Variants in CDH4 observed in about 807,000 individuals in gnomAD.
The protein encoded by CDH4 is cadherin 4, also known as cadherin-4.
In CDH4, 33 loss-of-function variants were observed where a neutral mutation model predicts 86.0. The observed-to-expected ratio is 0.38, with a 90% CI of 0.29 to 0.51. The LOEUF (loss-of-function observed/expected upper bound fraction) is 0.51. CDH4 is among the 20% of genes least tolerant of loss of function. CDH4 has a pLI of 0.86. For synonymous variants in CDH4, 555 were observed against 549.4 expected (o/e 1.01, Z -0.14); for missense variants, 1,114 against 1,307.4 (o/e 0.85, Z 2.28).
intron 4 of CDH4, among the ~76,000 whole-genome samples, chr20:61,832,440 C>T (rs1981666828): frequency 6.6e-6 from 1 of 152,186 alleles, no homozygotes; most frequent in South Asian, 2.1e-4. Context: ...AGTTCATTTT[C>T]ACACTGCTGT....
At chr20:61,607,037 A>G (rs1022498788) in intron 2 of CDH4, among the ~76,000 whole-genome samples, 1 of 152,198 alleles carries the variant, frequency 6.6e-6, no homozygotes, top group Non-Finnish European at 1.5e-5. Context: ...GGTGACAGTG[A>G]TGTGTCCATA....
At chr20:61,330,820 G>T (rs1008451012) in intron 2 of CDH4, among the ~76,000 whole-genome samples, 1 of 152,284 alleles carries the variant, frequency 6.6e-6, no homozygotes, top group Middle Eastern at 3.4e-3. Flanking sequence ...TCCAATCGCT[G>T]CCTGGTTTCC....
At chr20:61,496,279 G>A (rs552514302) in intron 2 of CDH4, among the ~76,000 whole-genome samples, 1 of 152,118 alleles carries the variant, frequency 6.6e-6, no homozygotes, top group African/African-American at 2.4e-5. Context: ...GTGTGTGCCT[G>A]TATTCCCAGG....
intron 2 of CDH4, among the ~76,000 whole-genome samples, chr20:61,462,097 C>A (rs1268441586): frequency 6.6e-6 from 1 of 152,196 alleles, no homozygotes; most frequent in Non-Finnish European, 1.5e-5. Context: ...ATGAATAAAT[C>A]CAAAATTAAC....
chr20:61,257,313 A>C (rs1258594540), intron 2 of CDH4, among the ~76,000 whole-genome samples: 1 of 152,248 alleles, frequency 6.6e-6, no homozygotes, highest in Non-Finnish European at 1.5e-5. Context: ...TGTTTATGAT[A>C]AATGGATGGA....
chr20:61,844,721 G>T lies in CDH4; in HGVS notation c.630G>T (p.Val210=). The T allele has an allele frequency of 6.2e-7, 1 of 1,613,992 alleles. No homozygotes were observed. The change falls in exon 5 of 16, where the codon GTG becomes GTT. Residue 210 remains valine (V), a synonymous_variant. Transcript: ENST00000614565. The part of the protein sequence containing the change: ...DIPIRYSITG[V]GADQPPMEVF... ...CCATCCGGTACAGCATCACGGGAGT[G>T]GGCGCCGACCAGCCCCCCATGGAGG... is the stretch of plus-strand genomic sequence containing the variant.
At chr20:61,457,030 T>A (rs1356997270) in intron 2 of CDH4, among the ~76,000 whole-genome samples, 1 of 152,182 alleles carries the variant, frequency 6.6e-6, no homozygotes, top group African/African-American at 2.4e-5. Context: ...GCCAGACTTC[T>A]CCTTTCAGAG....
At chr20:61,640,999 C>T (rs1431383336) in intron 2 of CDH4, among the ~76,000 whole-genome samples, 2 of 152,118 alleles carry the variant, frequency 1.3e-5, no homozygotes, top group East Asian at 1.9e-4. Flanking sequence ...CTGGTGGCTA[C>T]GTTTGCTGCA....
intron 2 of CDH4, among the ~76,000 whole-genome samples, chr20:61,476,220 T>A (rs1000512863): frequency 6.6e-5 from 10 of 152,196 alleles, no homozygotes; most frequent in African/African-American, 2.4e-4. Flanking sequence ...ACCCCACAAA[T>A]ATTTTGGTAA....
intron 2 of CDH4, among the ~76,000 whole-genome samples, chr20:61,374,896 G>A (rs898871841): frequency 1.3e-5 from 2 of 152,164 alleles, no homozygotes; most frequent in Non-Finnish European, 2.9e-5. Context: ...ATACAGCTTC[G>A]GTCTCCACGA....
chr20:61,860,497 C>G (rs555194320), intron 6 of CDH4, among the ~76,000 whole-genome samples: 1 of 152,274 alleles, frequency 6.6e-6, no homozygotes, highest in South Asian at 2.1e-4. Context: ...CGCTGGCCTG[C>G]CAGGAGGACT....
chr20:61,854,602 C>A (rs1400628636), intron 6 of CDH4, among the ~76,000 whole-genome samples: 1 of 142,484 alleles, frequency 7.0e-6, no homozygotes, highest in Non-Finnish European at 1.5e-5. Flanking sequence ...CCTTGGTCCG[C>A]CCCCAGGGCT....
intron 3 of CDH4, among the ~76,000 whole-genome samples, chr20:61,770,972 T>C (rs2088768308): frequency 6.6e-6 from 1 of 151,346 alleles, no homozygotes; most frequent in South Asian, 2.1e-4. Flanking sequence ...AGTGTGTGCA[T>C]TTTCATGTAT....
At chr20:61,272,932 ACCGTGTGCAGT>A (rs1376621331) in intron 2 of CDH4, among the ~76,000 whole-genome samples, 4 of 95,954 alleles carry the variant, frequency 4.2e-5, no homozygotes, top group African/African-American at 1.3e-4. Flanking sequence ...TTGGGGGAGT[ACCGTGTGCAGT>A]TTGGGGGAGT....
intron 2 of CDH4, among the ~76,000 whole-genome samples, chr20:61,662,444 C>A (rs1242620153): frequency 6.6e-6 from 1 of 152,208 alleles, no homozygotes; most frequent in African/African-American, 2.4e-5. Context: ...TTCACCATTC[C>A]GAGCTTGGGA....
intron 2 of CDH4, among the ~76,000 whole-genome samples, chr20:61,264,637 T>G (rs904561482): frequency 4.7e-5 from 7 of 149,880 alleles, no homozygotes; most frequent in African/African-American, 1.7e-4. Context: ...AGTGGTTCCT[T>G]CATTCAATCT....
intron 2 of CDH4, among the ~76,000 whole-genome samples, chr20:61,561,277 A>G (rs58721548): frequency 0.016 from 2,381 of 152,366 alleles, 69 homozygotes; most frequent in African/African-American, 0.054. Flanking sequence ...GAACTGAGCC[A>G]GAGGGCCTGC....
At chr20:61,291,648 C>T (rs982673070) in intron 2 of CDH4, among the ~76,000 whole-genome samples, 17 of 151,254 alleles carry the variant, frequency 1.1e-4, no homozygotes, top group African/African-American at 3.4e-4. Flanking sequence ...GCCAAACATG[C>T]GGGCACCCGC....
intron 9 of CDH4, among the ~76,000 whole-genome samples, chr20:61,911,357 C>G (rs1274881190): frequency 2.0e-5 from 3 of 152,208 alleles, no homozygotes; most frequent in Non-Finnish European, 4.4e-5. Context: ...GTGATTCAGT[C>G]TTCTAATCTA....
Sources: allele counts gnomAD v4.1 joint callset (sites outside exome capture counted in the v4.1 genomes callset), GRCh38; gene constraint gnomAD v4.1.1; transcripts MANE v1.5; gene names NCBI Gene and HGNC (gene_info 2026-07-23, HGNC 2026-07-21).